Variants in RAP1GAP2 observed in about 807,000 individuals in gnomAD.
The protein encoded by RAP1GAP2 is RAP1 GTPase activating protein 2.
In RAP1GAP2, 27 loss-of-function variants were observed where a neutral mutation model predicts 95.0. The ratio of observed to expected loss-of-function variants is 0.28; its 90% confidence interval spans 0.21 to 0.39. The LOEUF is 0.39. Ranked by LOEUF, RAP1GAP2 falls within the 10% of genes least tolerant of loss-of-function variation. The probability of loss-of-function intolerance (pLI) is 1.00; values close to 1 mark genes in which losing one functional copy is unlikely to be tolerated. For synonymous variants in RAP1GAP2, 373 were observed against 380.9 expected, an observed-to-expected ratio of 0.98 and a Z score of 0.24; for missense variants, 771 against 970.0, an observed-to-expected ratio of 0.79 and a Z score of 2.72.
chr17:2,822,627 GTTT>G (rs66503004), intron 2 of RAP1GAP2, among the ~76,000 whole-genome samples: 1 of 127,866 alleles, frequency 7.8e-6, no homozygotes. Flanking sequence ...GTTTTTTTTT[GTTT>G]TTTTTTTTTT....
intron 2 of RAP1GAP2, among the ~76,000 whole-genome samples, chr17:2,841,599 C>T (rs1390904421): frequency 6.6e-6 from 1 of 152,068 alleles, no homozygotes; most frequent in South Asian, 2.1e-4. Flanking sequence ...AGCCACCGTG[C>T]CCGGCCGATT....
chr17:2,992,279 G>A (rs1049035430), intron 12 of RAP1GAP2, among the ~76,000 whole-genome samples: 1 of 151,226 alleles, frequency 6.6e-6, no homozygotes, highest in African/African-American at 2.4e-5. Context: ...TCCTGCATCA[G>A]CCTCCCGAGT....
In RAP1GAP2 at chr17:2,885,083, G is replaced by C. The variant is rs183701581; in HGVS notation, c.81-20201G>C. Among the ~76,000 whole-genome samples the C allele has an allele frequency of 3.4e-5, 5 of 146,818 alleles. No homozygotes were observed. The South Asian group carries it at 1.1e-3, about 32-fold the overall frequency. The stretch of plus-strand genomic sequence containing the variant: ...GAGTCTCGCTCTGTCGCCCAGGCTG[G>C]AGTACAGTGGCACGATCTCGGCTCA... On this transcript the variant is annotated intron_variant, in intron 2 of 24. Transcript: ENST00000254695.
chr17:3,023,643 CT>C (rs1463838901), intron 19 of RAP1GAP2, among the ~76,000 whole-genome samples: 1 of 152,060 alleles, frequency 6.6e-6, no homozygotes, highest in Non-Finnish European at 1.5e-5. Flanking sequence ...TTACTTTTTT[CT>C]TTTATTATTA....
intron 8 of RAP1GAP2, among the ~76,000 whole-genome samples, chr17:2,972,988 A>T (rs929630859): frequency 6.6e-6 from 1 of 152,214 alleles, no homozygotes; most frequent in Non-Finnish European, 1.5e-5. Context: ...TCTTCTTCTT[A>T]GGGACAGGGA....
chr17:2,996,119 G>A (rs1472499821), intron 13 of RAP1GAP2, among the ~76,000 whole-genome samples: 1 of 152,130 alleles, frequency 6.6e-6, no homozygotes, highest in Non-Finnish European at 1.5e-5. Flanking sequence ...CGGAAGGCTG[G>A]TTATTGCGTG....
At position 2,796,498 on chromosome 17, in the gene RAP1GAP2, G is replaced by A. The variant is rs111260927; in HGVS notation, c.-30G>A. 3.2e-6 allele frequency: 5 copies of A among 1,553,096 alleles called. No individual in the cohort carries two copies. Among genetic ancestry groups the A allele is most frequent in the Admixed American group, 3.9e-5 (2 of 51,112 alleles). The stretch of plus-strand genomic sequence containing the variant: ...GCCCCGGGGACGTCGTTGGGACATC[G>A]CTGGGACCCCGGGCTCTGCAGCCAC... On this transcript the variant is annotated 5_prime_UTR_variant, in exon 1 of 25. Transcript: ENST00000254695. The surrounding 1 kb of genome is among the most constrained non-coding windows in gnomAD (Gnocchi z 4.7).
chr17:2,930,089 G>T (rs2043093642), intron 3 of RAP1GAP2, among the ~76,000 whole-genome samples: 1 of 152,256 alleles, frequency 6.6e-6, no homozygotes, highest in African/African-American at 2.4e-5. Context: ...TCCTGGAAGG[G>T]TGTCTGGGAC....
chr17:2,866,552 A>G lies in RAP1GAP2; in HGVS notation c.81-38732A>G, dbSNP rs1410432433. Among the ~76,000 whole-genome samples the G allele has an allele frequency of 6.6e-6, 1 of 152,192 alleles. No homozygotes were observed. The highest frequency in any genetic ancestry group is 1.5e-5 in the Non-Finnish European group (1 of 68,030). On this transcript the variant is annotated intron_variant, in intron 2 of 24. Transcript: ENST00000254695. This position sits in a 1 kb window ranked among gnomAD's most constrained non-coding sequence, Gnocchi z 4.0. ...CCTTTGTGTTGGTGAGGCAGTAGAT[A>G]ATACCCCCAAATGTCCCTTCTGATT...
intron 16 of RAP1GAP2, among the ~76,000 whole-genome samples, chr17:3,007,161 A>G (rs894751297): frequency 6.6e-6 from 1 of 152,146 alleles, no homozygotes; most frequent in African/African-American, 2.4e-5. Context: ...TGAAGGACCC[A>G]CGGGGGCTGG....
At chr17:2,859,756 A>G (rs2072296909) in intron 2 of RAP1GAP2, among the ~76,000 whole-genome samples, 1 of 151,936 alleles carries the variant, frequency 6.6e-6, no homozygotes, top group African/African-American at 2.4e-5. Flanking sequence ...TTTTTTTCTT[A>G]CAATTTATTT....
intron 2 of RAP1GAP2, among the ~76,000 whole-genome samples, chr17:2,841,351 T>C (rs994790274): frequency 7.8e-5 from 11 of 141,096 alleles, no homozygotes; most frequent in African/African-American, 2.7e-4. Flanking sequence ...TCGCCCAGGC[T>C]GGAGTGCAGT....
intron 1 of RAP1GAP2, chr17:2,770,251 C>A (rs2068364077): frequency 5.0e-6 from 2 of 398,018 alleles, no homozygotes; most frequent in Non-Finnish European, 4.4e-6. Flanking sequence ...CAGCAATTCT[C>A]CGGCAAGCAG....
At chr17:3,023,053 G>A (rs1226185610) in intron 19 of RAP1GAP2, among the ~76,000 whole-genome samples, 1 of 152,162 alleles carries the variant, frequency 6.6e-6, no homozygotes, top group Non-Finnish European at 1.5e-5. Context: ...TTAATGTGAT[G>A]TATCACATTT....
chr17:2,770,085 AAAAAAAAAAG>A lies in RAP1GAP2; in HGVS notation c.51-241_51-232del, dbSNP rs1348594504. On this transcript the variant is annotated intron_variant, in intron 1 of 25. Transcript: ENST00000637138. Reference sequence around the variant, plus strand: ...GAGACTCGGTCTCAAAACAAAAAAAAAAAAAAAAAGAAGAAGAAAGGAAAGCTTTTCCATT... The same window carrying A: ...GAGACTCGGTCTCAAAACAAAAAAAAAAGAAGAAAGGAAAGCTTTTCCATT... Among the ~76,000 whole-genome samples, 431 of 151,578 alleles carry A rather than the reference AAAAAAAAAAG, an allele frequency of 2.8e-3. 5 individuals carry two copies. The highest frequency in any genetic ancestry group is 9.5e-3 in the African/African-American group (392 of 41,362).
At chr17:2,808,041 C>T (rs779585828) in intron 2 of RAP1GAP2, among the ~76,000 whole-genome samples, 56 of 152,180 alleles carry the variant, frequency 3.7e-4, no homozygotes, top group Non-Finnish European at 7.5e-4. Flanking sequence ...ACCTGGGGAT[C>T]CAACCTGTGA....
At chr17:2,774,412 G>T (rs995995471), upstream of RAP1GAP2, among the ~76,000 whole-genome samples, 5 of 151,006 alleles carry the variant, frequency 3.3e-5, no homozygotes, top group South Asian at 1.0e-3. Flanking sequence ...CTGAGCAGTT[G>T]TATTTCTGGG....
Position 2,873,097 on chromosome 17 carries a change from T to G in RAP1GAP2, c.81-32187T>G, listed in dbSNP as rs568586020. On this transcript the variant is annotated intron_variant, in intron 2 of 24. Transcript: ENST00000254695. ...CAGCCTAGGGGACAGACTGAGACTTTGTCTGAAAAAAAAAAAAACGGAAAA... is the reference window on the plus strand; with the variant it reads ...CAGCCTAGGGGACAGACTGAGACTTGGTCTGAAAAAAAAAAAAACGGAAAA... Among the ~76,000 whole-genome samples the G allele has an allele frequency of 5.4e-5, 8 of 149,038 alleles. No individual in the cohort carries two copies. In the South Asian group the frequency reaches 1.5e-3, roughly 28 times the overall value.
chr17:2,927,997 GCA>G (rs1381178313), intron 3 of RAP1GAP2, among the ~76,000 whole-genome samples: 1 of 152,172 alleles, frequency 6.6e-6, no homozygotes, highest in African/African-American at 2.4e-5. Flanking sequence ...GAGGGACATA[GCA>G]CACACGCTGC....
Sources: allele counts gnomAD v4.1 joint callset (sites outside exome capture counted in the v4.1 genomes callset), GRCh38; gene constraint gnomAD v4.1.1; non-coding constraint Gnocchi (gnomAD v3.1); transcripts MANE v1.5; gene names NCBI Gene and HGNC (gene_info 2026-07-23, HGNC 2026-07-21).